VPS35L: variants seen among roughly 807,000 people sequenced by gnomAD.
The protein encoded by VPS35L is VPS35 endosomal protein sorting factor like, also known as VPS35 endosomal protein-sorting factor-like.
A neutral mutation model predicts 133.0 loss-of-function variants in VPS35L; 83 were observed. The ratio of observed to expected loss-of-function variants is 0.62; its 90% CI spans 0.52 to 0.75. The LOEUF is 0.75. VPS35L is among the 30% of genes least tolerant of loss of function. The pLI is 0.00. For missense variants in VPS35L, 1,083 were observed against 1,206.8 expected (o/e 0.90, Z 1.52); for synonymous variants, 423 against 449.9 (o/e 0.94, Z 0.76).
chr16:19,597,696 G>A (rs1284397187), intron 8 of VPS35L, among the ~76,000 whole-genome samples: 1 of 152,192 alleles, frequency 6.6e-6, no homozygotes, highest in African/African-American at 2.4e-5. Flanking sequence ...TGTTGTTTAA[G>A]TCTATTGTGA....
intron 26 of VPS35L, among the ~76,000 whole-genome samples, chr16:19,656,254 ACT>A (rs1974295567): frequency 1.5e-5 from 2 of 136,200 alleles, no homozygotes; most frequent in South Asian, 2.3e-4. Flanking sequence ...ACAAAGCGAG[ACT>A]CTGTCTCAAA....
chr16:19,590,671 G>A (rs557255975), intron 7 of VPS35L, among the ~76,000 whole-genome samples: 12 of 152,238 alleles, frequency 7.9e-5, no homozygotes, highest in South Asian at 6.2e-4. Flanking sequence ...CATGTTGGCC[G>A]GGTGCAGTGG....
chr16:19,636,175 A>C (rs1181075871), intron 19 of VPS35L, among the ~76,000 whole-genome samples: 1 of 152,174 alleles, frequency 6.6e-6, no homozygotes, highest in East Asian at 1.9e-4. Flanking sequence ...GCAACAGAGA[A>C]AGACCCTGTC....
At chr16:19,611,288 C>T (rs1972711684) in intron 12 of VPS35L, among the ~76,000 whole-genome samples, 1 of 152,226 alleles carries the variant, frequency 6.6e-6, no homozygotes, top group African/African-American at 2.4e-5. Context: ...GCGTGAGCCA[C>T]TGCGCCCGGC....
chr16:19,686,209 C>T (rs1975454309), intron 28 of VPS35L, among the ~76,000 whole-genome samples: 1 of 152,136 alleles, frequency 6.6e-6, no homozygotes, highest in Non-Finnish European at 1.5e-5. Context: ...TTTCCCTGTT[C>T]ACTTCCTCAT....
intron 14 of VPS35L, among the ~76,000 whole-genome samples, chr16:19,623,630 G>T (rs181291388): frequency 8.5e-5 from 13 of 152,066 alleles, no homozygotes; most frequent in African/African-American, 3.1e-4. Context: ...CACTTATTCA[G>T]GCAACATGAC....
chr16:19,645,308 G>A (rs1398742442), intron 23 of VPS35L, among the ~76,000 whole-genome samples: 1 of 88,712 alleles, frequency 1.1e-5, no homozygotes, highest in African/African-American at 4.1e-5. Context: ...TTTTTTTTTT[G>A]AGATGGAGTC....
rs534871596 is a variant in VPS35L, at chr16:19,596,552, G to A, written c.724+4678G>A. Reference sequence around the variant, plus strand: ...GGCCTCCCAAAGTGCTGGGATTATAGGCATGAGTCACTGCACCTGGCCTAA... The same window carrying A: ...GGCCTCCCAAAGTGCTGGGATTATAAGCATGAGTCACTGCACCTGGCCTAA... On this transcript the variant is annotated intron_variant, in intron 8 of 30. Transcript: ENST00000417362. Among the ~76,000 whole-genome samples the A allele has an allele frequency of 2.9e-3, 439 of 151,076 alleles. 1 individual carries two copies. The highest frequency in any genetic ancestry group is 5.6e-3 in the Non-Finnish European group (377 of 67,818).
At chr16:19,687,697 C>A (rs1250271993) in intron 28 of VPS35L, among the ~76,000 whole-genome samples, 1 of 152,140 alleles carries the variant, frequency 6.6e-6, no homozygotes, top group Non-Finnish European at 1.5e-5. Context: ...ATGCCTGCAA[C>A]CTGCTTTCAA....
At chr16:19,627,595 A>C in intron 15 of VPS35L, 99 bp from the exon 16 acceptor site, 1 of 944,906 alleles carries the variant, frequency 1.1e-6, no homozygotes, top group Non-Finnish European at 1.7e-6. Flanking sequence ...CCTACCGCTA[A>C]AGAGCTGTTA....
intron 11 of VPS35L, among the ~76,000 whole-genome samples, chr16:19,609,510 G>A (rs750580532): frequency 6.6e-6 from 1 of 152,192 alleles, no homozygotes; most frequent in Non-Finnish European, 1.5e-5. Flanking sequence ...AGAAGCAGAA[G>A]CCTTTGCCCT....
chr16:19,693,310 A>G (rs1975767385), intron 29 of VPS35L, among the ~76,000 whole-genome samples: 1 of 152,048 alleles, frequency 6.6e-6, no homozygotes, highest in African/African-American at 2.4e-5. Context: ...GAGGGCAATG[A>G]AGAGAGGTTG....
chr16:19,700,695 C>T lies in VPS35L; in HGVS notation c.*219C>T, dbSNP rs1400323413. On this transcript the variant is annotated 3_prime_UTR_variant, in exon 31 of 31. Transcript: ENST00000417362. ...AATGCAATCTTCACTAAGAAGCAGT[C>T]TCTGTGTTGTCTTTGCACAAGTGGC... 7.5e-6 allele frequency: 4 copies of T among 534,864 alleles called. No homozygotes were observed. The highest frequency in any genetic ancestry group is 1.3e-5 in the Non-Finnish European group (4 of 300,792). 33.1% of individuals were successfully genotyped at this position (534,864 alleles called of 1,614,324 possible).
intron 15 of VPS35L, among the ~76,000 whole-genome samples, chr16:19,626,817 G>A (rs922944261): frequency 3.0e-4 from 46 of 152,236 alleles, no homozygotes; most frequent in African/African-American, 1.1e-3. Context: ...GGCTGTGGTA[G>A]GTGGTTGGGC....
At chr16:19,565,053 A>T in intron 2 of VPS35L, 103 bp downstream of exon 2, 2 of 861,546 alleles carry the variant, frequency 2.3e-6, no homozygotes, top group South Asian at 1.7e-5. Context: ...CCACTTTTGC[A>T]TATTTGATTT....
intron 26 of VPS35L, among the ~76,000 whole-genome samples, chr16:19,658,514 G>A (rs942352702): frequency 1.1e-4 from 16 of 152,174 alleles, no homozygotes; most frequent in Admixed American, 7.9e-4. Context: ...GGGCAACAGG[G>A]TGAGACCGTG....
At chr16:19,698,270 T>G (rs1196945607) in intron 29 of VPS35L, among the ~76,000 whole-genome samples, 1 of 152,162 alleles carries the variant, frequency 6.6e-6, no homozygotes, top group Non-Finnish European at 1.5e-5. Context: ...AGAAGCTGTC[T>G]GTGTTTCTCA....
chr16:19,595,167 A>G (rs886385307), intron 8 of VPS35L, among the ~76,000 whole-genome samples: 1 of 152,070 alleles, frequency 6.6e-6, no homozygotes, highest in African/African-American at 2.4e-5. Context: ...TGAGGACAGG[A>G]GGGGCCACCA....
intron 24 of VPS35L, among the ~76,000 whole-genome samples, chr16:19,648,352 T>C (rs984278089): frequency 2.6e-5 from 4 of 152,212 alleles, no homozygotes; most frequent in African/African-American, 2.4e-5. Context: ...CTTACAACTT[T>C]GGTTTTATTG....
Sources: allele counts gnomAD v4.1 joint callset (sites outside exome capture counted in the v4.1 genomes callset), GRCh38; gene constraint gnomAD v4.1.1; transcripts MANE v1.5; gene names NCBI Gene and HGNC (gene_info 2026-07-23, HGNC 2026-07-21).